Variants in RPS6KC1 observed in about 807,000 individuals in gnomAD.
The protein encoded by RPS6KC1 is inactive ribosomal protein S6 kinase delta-1.
In RPS6KC1, 54 loss-of-function variants were observed where a neutral mutation model predicts 103.8. The ratio of observed to expected loss-of-function variants is 0.52; its 90% CI spans 0.42 to 0.65. RPS6KC1 has a LOEUF of 0.65. Among genes scored for constraint, RPS6KC1 ranks in the 30% least tolerant of loss-of-function variants. The pLI, the probability that RPS6KC1 is intolerant of heterozygous loss-of-function variation, is 0.00. For synonymous variants in RPS6KC1, 439 were observed against 438.7 expected (o/e 1.00, Z -0.01); for missense variants, 1,151 against 1,253.8 (o/e 0.92, Z 1.24).
the RPS6KC1 span, among the ~76,000 whole-genome samples, chr1:213,441,609 C>A: frequency 6.6e-6 from 1 of 152,178 alleles, no homozygotes; most frequent in African/African-American, 2.4e-5. Context: ...TAATTTGATT[C>A]CATAACTTGG....
At chr1:213,768,323 G>A in the RPS6KC1 span, among the ~76,000 whole-genome samples, 7 of 152,132 alleles carry the variant, frequency 4.6e-5, no homozygotes, top group Non-Finnish European at 7.4e-5. Context: ...GGGGCAGATA[G>A]CTCATCAAAT....
chr1:213,552,961 T>G, the RPS6KC1 span, among the ~76,000 whole-genome samples: 892 of 152,276 alleles, frequency 5.9e-3, 6 homozygotes, highest in African/African-American at 0.021. Flanking sequence ...CCCATAATGG[T>G]TTAAAGTGTA....
chr1:213,728,687 T>G, the RPS6KC1 span, among the ~76,000 whole-genome samples: 1 of 151,742 alleles, frequency 6.6e-6, no homozygotes, highest in Admixed American at 6.6e-5. Context: ...CACACTTGGG[T>G]TGAAAGAAGG....
chr1:213,813,924 A>G, the RPS6KC1 span, among the ~76,000 whole-genome samples: 1 of 152,234 alleles, frequency 6.6e-6, no homozygotes, highest in East Asian at 1.9e-4. Flanking sequence ...CATAGATTGT[A>G]TGAGCCTAAA....
chr1:213,854,614 C>A, the RPS6KC1 span, among the ~76,000 whole-genome samples: 1 of 148,336 alleles, frequency 6.7e-6, no homozygotes, highest in African/African-American at 2.5e-5. Context: ...CTTCTCTACT[C>A]TTTTATTCAC....
chr1:213,363,325 G>T, the RPS6KC1 span, among the ~76,000 whole-genome samples: 2 of 152,198 alleles, frequency 1.3e-5, no homozygotes, highest in Non-Finnish European at 1.5e-5. Context: ...GAGTAGTTTG[G>T]TGAGCAAGAG....
At chr1:213,102,117 A>G (rs1260128240) in intron 3 of RPS6KC1, among the ~76,000 whole-genome samples, 1 of 152,220 alleles carries the variant, frequency 6.6e-6, no homozygotes, top group Admixed American at 6.5e-5. Context: ...AATGTGGCAT[A>G]ATGGATTATG....
At chr1:213,838,798 C>T in the RPS6KC1 span, among the ~76,000 whole-genome samples, 1 of 152,146 alleles carries the variant, frequency 6.6e-6, no homozygotes. Flanking sequence ...CTCAGACTTG[C>T]TCATTTTTTT....
chr1:213,545,026 C>T, the RPS6KC1 span, among the ~76,000 whole-genome samples: 1 of 152,116 alleles, frequency 6.6e-6, no homozygotes. Context: ...GCTGGAACTT[C>T]AAGGTCAAGG....
the RPS6KC1 span, among the ~76,000 whole-genome samples, chr1:213,355,686 G>A: frequency 1.3e-5 from 2 of 152,122 alleles, no homozygotes; most frequent in African/African-American, 4.8e-5. Context: ...TTTATACTTA[G>A]TTACCTTTTT....
At chr1:213,714,315 T>C in the RPS6KC1 span, among the ~76,000 whole-genome samples, 117 of 152,328 alleles carry the variant, frequency 7.7e-4, no homozygotes, top group African/African-American at 2.6e-3. Context: ...AAAATGTAAT[T>C]TGTGGGATTT....
At chr1:213,297,777 A>G in the RPS6KC1 span, among the ~76,000 whole-genome samples, 1 of 152,122 alleles carries the variant, frequency 6.6e-6, no homozygotes, top group Non-Finnish European at 1.5e-5. Flanking sequence ...CGCTAAGCTA[A>G]TTTACAAAAA....
intron 4 of RPS6KC1, 27 bp downstream of exon 4, chr1:213,104,596 A>G (rs747516791): frequency 4.7e-5 from 59 of 1,245,104 alleles, no homozygotes; most frequent in Non-Finnish European, 6.7e-5. Flanking sequence ...GGAATATTTT[A>G]TATCTTATTA....
chr1:213,074,334 TAATA>T (rs755170097), intron 2 of RPS6KC1, among the ~76,000 whole-genome samples: 114 of 152,362 alleles, frequency 7.5e-4, no homozygotes, highest in Middle Eastern at 6.8e-3. Context: ...AGAGTGACTT[TAATA>T]AATAAGAAAC....
the RPS6KC1 span, among the ~76,000 whole-genome samples, chr1:213,645,129 C>G: frequency 6.6e-6 from 1 of 152,106 alleles, no homozygotes; most frequent in African/African-American, 2.4e-5. Flanking sequence ...TTCCTTTCTT[C>G]CCTCCTTCCT....
the RPS6KC1 span, among the ~76,000 whole-genome samples, chr1:213,572,856 T>G: frequency 6.6e-6 from 1 of 152,208 alleles, no homozygotes; most frequent in Non-Finnish European, 1.5e-5. Context: ...CTTCTCATTT[T>G]CCTAAGAGCC....
intron 1 of RPS6KC1, among the ~76,000 whole-genome samples, chr1:213,064,461 G>A (rs1468206345): frequency 4.0e-5 from 6 of 151,162 alleles, no homozygotes; most frequent in East Asian, 1.9e-4. Context: ...TCCACCTCCC[G>A]GGTTCAAGCG....
At chr1:213,522,229 C>G in the RPS6KC1 span, among the ~76,000 whole-genome samples, 1 of 152,190 alleles carries the variant, frequency 6.6e-6, no homozygotes, top group East Asian at 1.9e-4. Flanking sequence ...GTATTGCCAA[C>G]AAGCAATAAT....
the RPS6KC1 span, among the ~76,000 whole-genome samples, chr1:213,353,061 A>G: frequency 2.6e-5 from 4 of 152,220 alleles, no homozygotes; most frequent in Non-Finnish European, 4.4e-5. Flanking sequence ...TTCTAAAGAA[A>G]GGAATGTACT....
Sources: allele counts gnomAD v4.1 joint callset (sites outside exome capture counted in the v4.1 genomes callset), GRCh38; gene constraint gnomAD v4.1.1; transcripts MANE v1.5; gene names NCBI Gene and HGNC (gene_info 2026-07-23, HGNC 2026-07-21).